The following TXNL4A variants were observed in gnomAD, a reference collection of about 807,000 sequenced individuals.
The protein encoded by TXNL4A is thioredoxin like 4A.
Under a neutral mutation model 14.6 loss-of-function variants are expected in TXNL4A, and 17 were observed. The observed-to-expected ratio is 1.16, with a 90% CI of 0.80 to 1.74. TXNL4A has a LOEUF of 1.74. Among genes scored for constraint, TXNL4A ranks in the 40% most tolerant of loss-of-function variants. The pLI is 0.00. For missense variants in TXNL4A, 74 were observed against 195.2 expected (o/e 0.38, Z 3.70); for synonymous variants, 83 against 70.6 (o/e 1.18, Z -0.88).
chr18:79,985,250 C>T (rs1050715936), intron 1 of TXNL4A, among the ~76,000 whole-genome samples: 2 of 151,978 alleles, frequency 1.3e-5, no homozygotes, highest in Non-Finnish European at 2.9e-5. Flanking sequence ...AAATCAGCTG[C>T]TAAATAGAAA....
At chr18:80,002,451 A>G (rs578169568) in intron 1 of TXNL4A, among the ~76,000 whole-genome samples, 1 of 152,324 alleles carries the variant, frequency 6.6e-6, no homozygotes, top group East Asian at 1.9e-4. Context: ...TAAAAACAAA[A>G]AAGCCACTGA....
At chr18:80,019,037 GTTCCAAACTTT>G (rs1403988179) in intron 1 of TXNL4A, among the ~76,000 whole-genome samples, 1 of 152,158 alleles carries the variant, frequency 6.6e-6, no homozygotes, top group East Asian at 1.9e-4. Context: ...CCTCTAGGAA[GTTCCAAACTTT>G]CCTACACTTT....
intron 1 of TXNL4A, among the ~76,000 whole-genome samples, chr18:80,010,967 T>C (rs1298430394): frequency 3.3e-5 from 5 of 151,972 alleles, no homozygotes; most frequent in Non-Finnish European, 7.4e-5. Flanking sequence ...GCTTTTTTTT[T>C]TTCTTTGGCT....
intron 1 of TXNL4A, among the ~76,000 whole-genome samples, chr18:80,032,411 A>T (rs1195195372): frequency 6.6e-6 from 1 of 152,238 alleles, no homozygotes; most frequent in Non-Finnish European, 1.5e-5. Context: ...AGCCAAAGGG[A>T]AGAGTCAAGC....
chr18:79,996,017 T>C (rs187517938), intron 1 of TXNL4A, among the ~76,000 whole-genome samples: 3 of 135,924 alleles, frequency 2.2e-5, no homozygotes, highest in African/African-American at 8.1e-5. Flanking sequence ...GGCAGGAGAA[T>C]GGCGTGAACC....
At chr18:79,975,151 G>T (rs1277524288) in intron 2 of TXNL4A, among the ~76,000 whole-genome samples, 1 of 152,064 alleles carries the variant, frequency 6.6e-6, no homozygotes, top group African/African-American at 2.4e-5. Flanking sequence ...TACTTCTTCG[G>T]TATTTATATC....
intron 2 of TXNL4A, among the ~76,000 whole-genome samples, chr18:79,977,075 C>T (rs2051390611): frequency 6.6e-6 from 1 of 152,034 alleles, no homozygotes. Flanking sequence ...ATTCTCCTGC[C>T]TCAGCCTCCC....
intron 1 of TXNL4A, among the ~76,000 whole-genome samples, chr18:80,009,371 ATCC>A (rs1292245586): frequency 2.0e-5 from 3 of 152,132 alleles, no homozygotes; most frequent in African/African-American, 7.2e-5. Flanking sequence ...CGGGGCGTTT[ATCC>A]TCCGACTTCA....
chr18:80,032,336 AT>A (rs1228513484), intron 1 of TXNL4A, among the ~76,000 whole-genome samples: 1 of 152,162 alleles, frequency 6.6e-6, no homozygotes, highest in African/African-American at 2.4e-5. Flanking sequence ...TCTCCAAAAG[AT>A]TTTAAAGAAA....
chr18:79,996,895 A>G (rs528810146), intron 1 of TXNL4A, among the ~76,000 whole-genome samples: 51 of 152,304 alleles, frequency 3.3e-4, no homozygotes, highest in African/African-American at 1.1e-3. Flanking sequence ...GTGAGCCAAG[A>G]CTGTGCCACT....
At chr18:79,980,134 C>G (rs944651141) in intron 1 of TXNL4A, among the ~76,000 whole-genome samples, 1 of 152,306 alleles carries the variant, frequency 6.6e-6, no homozygotes, top group Admixed American at 6.5e-5. Context: ...GCATCGAGGA[C>G]TGCAGAGGCG....
intron 1 of TXNL4A, among the ~76,000 whole-genome samples, chr18:80,024,857 A>G (rs1215278610): frequency 6.6e-6 from 1 of 152,204 alleles, no homozygotes; most frequent in Non-Finnish European, 1.5e-5. Context: ...CAGGTCTGCA[A>G]GCAGCACATT....
intron 1 of TXNL4A, among the ~76,000 whole-genome samples, chr18:79,996,103 C>CA (rs60443481): frequency 0.28 from 17,061 of 61,274 alleles, 5,003 homozygotes; most frequent in Non-Finnish European, 0.34. Flanking sequence ...GACTCTGACT[C>CA]AAAAAAAAAA....
At chr18:80,017,371 T>C (rs1393848396) in intron 1 of TXNL4A, among the ~76,000 whole-genome samples, 1 of 151,834 alleles carries the variant, frequency 6.6e-6, no homozygotes, top group Non-Finnish European at 1.5e-5. Context: ...TCCTGCCTAA[T>C]TGCCCTGGCC....
At chr18:80,010,610 G>T (rs2051763457) in intron 1 of TXNL4A, among the ~76,000 whole-genome samples, 1 of 152,214 alleles carries the variant, frequency 6.6e-6, no homozygotes, top group Non-Finnish European at 1.5e-5. Context: ...CTTCCTGGGA[G>T]CCCACTGTCT....
At chr18:80,000,944 A>AAT (rs1165539488) in intron 1 of TXNL4A, among the ~76,000 whole-genome samples, 13 of 152,248 alleles carry the variant, frequency 8.5e-5, no homozygotes, top group African/African-American at 3.1e-4. Context: ...GTGAGCAAGG[A>AAT]GCCAAATGTT....
intron 1 of TXNL4A, among the ~76,000 whole-genome samples, chr18:80,005,459 T>C (rs1396938965): frequency 1.3e-5 from 2 of 152,244 alleles, no homozygotes; most frequent in African/African-American, 4.8e-5. Flanking sequence ...AATGTCTACA[T>C]GTGCACCCTT....
At chr18:79,994,658 CA>C (rs2051648847) in intron 1 of TXNL4A, among the ~76,000 whole-genome samples, 1 of 151,942 alleles carries the variant, frequency 6.6e-6, no homozygotes, top group Non-Finnish European at 1.5e-5. Flanking sequence ...GGGGAAAGAT[CA>C]CCTCATCTCC....
Position 80,002,146 on chromosome 18 carries a change from A to C in TXNL4A, c.-60-24445T>G, listed in dbSNP as rs145748796. Among the ~76,000 whole-genome samples the C allele has an allele frequency of 1.0e-3, 153 of 152,264 alleles. 2 individuals carry two copies. The highest frequency in any genetic ancestry group is 8.7e-3 in the South Asian group (42 of 4,828). The stretch of plus-strand genomic sequence containing the variant: ...AAGATCTGATGGTTTTATAACGGGA[A>C]ACCCTTTCATGTGGCTCTCATTCTC... On this transcript the variant is annotated intron_variant, in intron 1 of 2. Coordinates refer to the TXNL4A transcript ENST00000585474.
Sources: allele counts gnomAD v4.1 joint callset (sites outside exome capture counted in the v4.1 genomes callset), GRCh38; gene constraint gnomAD v4.1.1; transcripts MANE v1.5; gene names NCBI Gene and HGNC (gene_info 2026-07-23, HGNC 2026-07-21).